Variants in RBM20 observed in about 807,000 individuals in gnomAD.
The protein encoded by RBM20 is RNA binding motif protein 20.
RBM20 carries 51 observed loss-of-function variants against 110.1 expected under a neutral mutation model. The ratio of observed to expected loss-of-function variants is 0.46; its 90% CI spans 0.37 to 0.59. The LOEUF (loss-of-function observed/expected upper bound fraction) is 0.59, where lower values mean the gene tolerates loss of function less well. Ranked by LOEUF, RBM20 falls within the 20% of genes least tolerant of loss-of-function variation. The pLI is 0.00. For synonymous variants in RBM20, 589 were observed against 618.2 expected (o/e 0.95, Z 0.70); for missense variants, 1,512 against 1,574.9 (o/e 0.96, Z 0.68).
chr10:110,834,204 G>A (rs1845094515), intron 13 of RBM20, among the ~76,000 whole-genome samples: 1 of 152,198 alleles, frequency 6.6e-6, no homozygotes. Context: ...CGTACTGGGC[G>A]CTCATTCGCT....
intron 1 of RBM20, among the ~76,000 whole-genome samples, chr10:110,650,892 G>A (rs1233124753): frequency 6.6e-6 from 1 of 152,088 alleles, no homozygotes; most frequent in Non-Finnish European, 1.5e-5. Context: ...TCCTCCTTTG[G>A]TTTATTTTGA....
intron 1 of RBM20, among the ~76,000 whole-genome samples, chr10:110,654,947 A>G (rs977444923): frequency 6.6e-6 from 1 of 152,248 alleles, no homozygotes; most frequent in African/African-American, 2.4e-5. Context: ...TACTTCAACA[A>G]TAATCCTGTG....
chr10:110,651,080 G>T (rs1353625958), intron 1 of RBM20, among the ~76,000 whole-genome samples: 1 of 152,206 alleles, frequency 6.6e-6, no homozygotes, highest in African/African-American at 2.4e-5. Context: ...AGCCTCTCCA[G>T]GGATTGGAAA....
At chr10:110,703,615 G>T (rs940090099) in intron 1 of RBM20, among the ~76,000 whole-genome samples, 8 of 152,088 alleles carry the variant, frequency 5.3e-5, no homozygotes, top group Non-Finnish European at 1.2e-4. Flanking sequence ...TTGTATGTGT[G>T]TATATATTTA....
chr10:110,824,816 G>A (rs1397104285), intron 12 of RBM20, among the ~76,000 whole-genome samples: 1 of 152,188 alleles, frequency 6.6e-6, no homozygotes, highest in Non-Finnish European at 1.5e-5. Flanking sequence ...CAGAAGGAGA[G>A]CTCAGGAAAG....
At chr10:110,711,559 T>C (rs149779070) in intron 1 of RBM20, among the ~76,000 whole-genome samples, 21 of 152,212 alleles carry the variant, frequency 1.4e-4, no homozygotes, top group Non-Finnish European at 2.2e-4. Context: ...GACTGAAAAG[T>C]CAACGGATGA....
intron 1 of RBM20, among the ~76,000 whole-genome samples, chr10:110,752,707 C>A (rs1843868880): frequency 6.6e-6 from 1 of 151,962 alleles, no homozygotes; most frequent in South Asian, 2.1e-4. Flanking sequence ...ATAAAGCAAA[C>A]ACCTATGTAT....
At chr10:110,727,419 A>AAAATAAAAAAAAT (rs1843575761) in intron 1 of RBM20, among the ~76,000 whole-genome samples, 2 of 146,802 alleles carry the variant, frequency 1.4e-5, no homozygotes, top group African/African-American at 5.1e-5. Flanking sequence ...AAATAAAAAA[A>AAAATAAAAAAAAT]AAATAAATAA....
intron 1 of RBM20, among the ~76,000 whole-genome samples, chr10:110,766,191 A>C (rs886609372): frequency 8.5e-5 from 13 of 152,198 alleles, no homozygotes; most frequent in Admixed American, 2.0e-4. Flanking sequence ...GATCGTAACC[A>C]CAGGTTTAGT....
chr10:110,765,884 AG>A (rs936042479), intron 1 of RBM20, among the ~76,000 whole-genome samples: 5 of 152,100 alleles, frequency 3.3e-5, no homozygotes, highest in East Asian at 1.9e-4. Flanking sequence ...TGAAGGGGAG[AG>A]GGTTAATATG....
chr10:110,786,020 T>C (rs1014829007), intron 5 of RBM20, among the ~76,000 whole-genome samples: 20 of 152,220 alleles, frequency 1.3e-4, no homozygotes, highest in African/African-American at 4.6e-4. Flanking sequence ...CTCTGCAACA[T>C]ACATTTTCGT....
chr10:110,831,189 A>G lies in RBM20; in HGVS notation c.3573+7A>G, dbSNP rs1470019764. The G allele has an allele frequency of 6.4e-7, 1 of 1,550,502 alleles. No individual in the cohort carries two copies. The highest frequency in any genetic ancestry group is 8.7e-7 in the Non-Finnish European group (1 of 1,146,220). On this transcript the variant is annotated splice_region_variant and intron_variant, in intron 13 of 13. Transcript: ENST00000369519. ...CCACTACAGGAACTTACAGGTAAAA[A>G]TCCACTCTCCTTGCCCAGCATGCCA...
In RBM20 at chr10:110,823,572, T is replaced by G. The variant is rs1844945027; in HGVS notation, c.3409T>G (p.Trp1137Gly). Reference sequence around the variant, plus strand: ...GAAACAGCCCCTTTCTTTGCCCTCTTGGGAACCAGAGGATGTGTTCAGTGA... The same window carrying G: ...GAAACAGCCCCTTTCTTTGCCCTCTGGGGAACCAGAGGATGTGTTCAGTGA... ...ELKQPLSLPSWEPEDVFSELS... is the reference protein window; with the variant it reads ...ELKQPLSLPSGEPEDVFSELS... Residue 1137 changes from tryptophan to glycine, a missense_variant, in exon 12 of 14, where the codon TGG becomes GGG. Physicochemically the swap from Trp to Gly is radical, Grantham distance 184. Transcript: ENST00000369519. 3 of 1,551,258 alleles carry G rather than the reference T, an allele frequency of 1.9e-6. No homozygotes were observed. The highest frequency in any genetic ancestry group is 2.6e-6 in the Non-Finnish European group (3 of 1,146,886).
intron 9 of RBM20, among the ~76,000 whole-genome samples, chr10:110,819,095 T>G (rs1844877300): frequency 6.6e-6 from 1 of 152,202 alleles, no homozygotes; most frequent in Non-Finnish European, 1.5e-5. Flanking sequence ...AGTGGTTTAC[T>G]TAGAACCAAC....
intron 1 of RBM20, among the ~76,000 whole-genome samples, chr10:110,664,681 A>G (rs778523631): frequency 5.3e-5 from 8 of 152,160 alleles, no homozygotes; most frequent in Admixed American, 2.0e-4. Flanking sequence ...TGGGAGGTGG[A>G]GGTTGCAGTG....
chr10:110,755,977 G>T (rs1885791), intron 1 of RBM20, among the ~76,000 whole-genome samples: 1 of 152,218 alleles, frequency 6.6e-6, no homozygotes, highest in East Asian at 1.9e-4. Context: ...TGGAGACAGC[G>T]TTAGTCAGCA....
At chr10:110,786,927 G>A (rs1844426624) in intron 5 of RBM20, among the ~76,000 whole-genome samples, 1 of 152,188 alleles carries the variant, frequency 6.6e-6, no homozygotes, top group African/African-American at 2.4e-5. Flanking sequence ...TCCATAAAGG[G>A]GGGTGGATGG....
chr10:110,670,745 T>G (rs906659437), intron 1 of RBM20, among the ~76,000 whole-genome samples: 12 of 152,224 alleles, frequency 7.9e-5, no homozygotes, highest in Non-Finnish European at 1.8e-4. Flanking sequence ...TACTTTGAGA[T>G]GTACTTCAGT....
intron 1 of RBM20, among the ~76,000 whole-genome samples, chr10:110,743,205 A>G (rs964734886): frequency 9.9e-5 from 15 of 152,246 alleles, no homozygotes; most frequent in Non-Finnish European, 1.9e-4. Context: ...TGGAAAAAAA[A>G]GGCTTATGAG....
Sources: allele counts gnomAD v4.1 joint callset (sites outside exome capture counted in the v4.1 genomes callset), GRCh38; gene constraint gnomAD v4.1.1; transcripts MANE v1.5; gene names NCBI Gene and HGNC (gene_info 2026-07-23, HGNC 2026-07-21).